The following NEK1 variants were observed in gnomAD, a reference collection of about 807,000 sequenced individuals.
NEK1 encodes the protein serine/threonine-protein kinase Nek1.
NEK1 carries 137 observed loss-of-function variants against 182.1 expected under a neutral mutation model. The observed-to-expected ratio is 0.75, with a 90% confidence interval of 0.65 to 0.87. The LOEUF (loss-of-function observed/expected upper bound fraction) is 0.87. Ranked by LOEUF, NEK1 falls within the 40% of genes least tolerant of loss-of-function variation. The probability of loss-of-function intolerance (pLI) is 0.00; values close to 1 mark genes in which losing one functional copy is unlikely to be tolerated. For missense variants in NEK1, 1,391 were observed against 1,494.4 expected, an observed-to-expected ratio of 0.93 and a Z score of 1.14; for synonymous variants, 513 against 492.2, an observed-to-expected ratio of 1.04 and a Z score of -0.56.
At chr4:169,453,993 T>C (rs573846410) in intron 27 of NEK1, among the ~76,000 whole-genome samples, 6 of 152,170 alleles carry the variant, frequency 3.9e-5, no homozygotes, top group East Asian at 3.9e-4. Context: ...CATAGACCAA[T>C]AGAACAGAAC....
At chr4:169,533,073 A>C (rs1757931655) in intron 19 of NEK1, among the ~76,000 whole-genome samples, 1 of 152,232 alleles carries the variant, frequency 6.6e-6, no homozygotes, top group Non-Finnish European at 1.5e-5. Context: ...AATTCTAAGG[A>C]AACTTCCAAG....
chr4:169,438,292 T>C, intron 27 of NEK1, 33 bp from the exon 28 acceptor site: 5 of 1,490,324 alleles, frequency 3.4e-6, no homozygotes, highest in Non-Finnish European at 4.5e-6. Context: ...ATCATGCTAG[T>C]TCTCAAAATG....
chr4:169,540,689 A>C (rs1159385945), intron 18 of NEK1, among the ~76,000 whole-genome samples: 1 of 152,120 alleles, frequency 6.6e-6, no homozygotes. Flanking sequence ...ACCCCGATTA[A>C]GGATAAGAGG....
chr4:169,562,065 T>C (rs1763007879), intron 13 of NEK1, 72 bp downstream of exon 13: 8 of 1,238,324 alleles, frequency 6.5e-6, no homozygotes, highest in Non-Finnish European at 9.1e-6. Flanking sequence ...GGAGGCTTTA[T>C]AGTAAGATTT....
chr4:169,553,554 T>C (rs1479203938), intron 18 of NEK1, among the ~76,000 whole-genome samples: 1 of 151,986 alleles, frequency 6.6e-6, no homozygotes, highest in African/African-American at 2.4e-5. Context: ...AAACAAAATA[T>C]TAAGGGAATG....
intron 32 of NEK1, among the ~76,000 whole-genome samples, chr4:169,403,392 A>G (rs1246633134): frequency 2.0e-5 from 3 of 151,886 alleles, no homozygotes; most frequent in Non-Finnish European, 4.4e-5. Flanking sequence ...ACATAGCGAG[A>G]CCCCTCTAGA....
At chr4:169,431,967 A>G (rs1209801044) in intron 29 of NEK1, among the ~76,000 whole-genome samples, 2 of 152,004 alleles carry the variant, frequency 1.3e-5, no homozygotes, top group Non-Finnish European at 2.9e-5. Context: ...AATGACCAGC[A>G]GAGAAAAAAT....
chr4:169,563,448 T>A (rs1392812273), intron 12 of NEK1, among the ~76,000 whole-genome samples: 1 of 152,204 alleles, frequency 6.6e-6, no homozygotes, highest in Non-Finnish European at 1.5e-5. Context: ...TTTTTACATG[T>A]TGCCCTTCCA....
intron 31 of NEK1, among the ~76,000 whole-genome samples, chr4:169,419,213 A>G (rs1207680490): frequency 6.6e-6 from 1 of 152,184 alleles, no homozygotes; most frequent in African/African-American, 2.4e-5. Flanking sequence ...ATACATGAAG[A>G]TAAGAAAGCT....
At chr4:169,405,828 G>T (rs1363299323) in intron 32 of NEK1, among the ~76,000 whole-genome samples, 2 of 152,162 alleles carry the variant, frequency 1.3e-5, no homozygotes, top group Non-Finnish European at 2.9e-5. Context: ...TTTTGGCTAG[G>T]TGTGGTAGCT....
At chr4:169,444,436 G>A (rs1421005216) in intron 27 of NEK1, among the ~76,000 whole-genome samples, 1 of 151,790 alleles carries the variant, frequency 6.6e-6, no homozygotes, top group Non-Finnish European at 1.5e-5. Context: ...CATGCAAATG[G>A]AAACAAAAAA....
At chr4:169,578,259 C>G (rs1420965501) in intron 11 of NEK1, among the ~76,000 whole-genome samples, 1 of 152,118 alleles carries the variant, frequency 6.6e-6, no homozygotes, top group East Asian at 1.9e-4. Context: ...AGAGTAGAGT[C>G]TACATAAACC....
chr4:169,547,704 G>A (rs1029923695), intron 18 of NEK1, among the ~76,000 whole-genome samples: 3 of 151,860 alleles, frequency 2.0e-5, no homozygotes, highest in Admixed American at 6.6e-5. Context: ...TTGTCTTCTC[G>A]CTTTATTTCA....
At position 169,576,959 on chromosome 4, in the gene NEK1, TG is replaced by T. The variant is rs755733041; in HGVS notation, c.988del (p.His330ThrfsTer20). 7 of 1,611,056 alleles carry T rather than the reference TG, an allele frequency of 4.3e-6. No homozygotes were observed. The highest frequency in any genetic ancestry group is 4.2e-6 in the Non-Finnish European group (5 of 1,178,670). On this transcript the variant is annotated frameshift_variant, in exon 12 of 36. Coordinates refer to ENST00000507142, the MANE Select transcript of NEK1 (RefSeq NM_001199397.3). LOFTEE classifies it high-confidence loss of function. Reference protein sequence around the residue: ...AYKKYGDKKLHEKKPLQKHKQ... With the variant: ...AYKKYGDKKLXEKKPLQKHKQ... ...ATGTTTTTGCAGTGGTTTCTTTTCG[TG>T]TAATTTTTTATCTCCATATTTCTTA...
chr4:169,465,141 A>T (rs1489844395), intron 26 of NEK1, among the ~76,000 whole-genome samples: 1 of 152,140 alleles, frequency 6.6e-6, no homozygotes, highest in Non-Finnish European at 1.5e-5. Flanking sequence ...TACAGCCAAA[A>T]TGATTACCAA....
intron 18 of NEK1, among the ~76,000 whole-genome samples, chr4:169,547,037 G>T (rs1760593882): frequency 6.6e-6 from 1 of 152,106 alleles, no homozygotes; most frequent in African/African-American, 2.4e-5. Context: ...TGGTTATTTT[G>T]CCCATTAGTT....
intron 2 of NEK1, among the ~76,000 whole-genome samples, chr4:169,603,643 G>A (rs1012417572): frequency 6.7e-6 from 1 of 148,758 alleles, no homozygotes; most frequent in South Asian, 2.1e-4. Context: ...ATGGTGTTTC[G>A]TTTTTATTTT....
chr4:169,400,015 A>C (rs903855921), intron 35 of NEK1: 2 of 580,644 alleles, frequency 3.4e-6, no homozygotes, highest in East Asian at 3.2e-5. Context: ...ATTAAATTAA[A>C]AATATGGACT....
intron 2 of NEK1, among the ~76,000 whole-genome samples, chr4:169,605,650 TA>T (rs1771210628): frequency 2.0e-5 from 3 of 152,208 alleles, no homozygotes; most frequent in African/African-American, 7.2e-5. Context: ...TCATAACTTA[TA>T]ACTGAAGGAA....
Sources: gnomAD v4.1 joint callset for allele counts (sites outside exome capture counted in the v4.1 genomes callset) on GRCh38, gnomAD v4.1.1 for gene constraint, MANE v1.5 for transcripts, NCBI Gene and HGNC (gene_info 2026-07-23, HGNC 2026-07-21) for gene names.